RBMS1: variants seen among roughly 807,000 people sequenced by gnomAD.
The protein encoded by RBMS1 is RNA-binding motif, single-stranded-interacting protein 1.
RBMS1 carries 17 observed loss-of-function variants against 62.3 expected under a neutral mutation model. The observed-to-expected ratio is 0.27, with a 90% confidence interval of 0.19 to 0.41. The LOEUF (loss-of-function observed/expected upper bound fraction) is 0.41, where lower values mean the gene tolerates loss of function less well. RBMS1 is among the 10% of genes least tolerant of loss of function. The probability of loss-of-function intolerance (pLI) is 1.00; values close to 1 mark genes in which losing one functional copy is unlikely to be tolerated. For missense variants in RBMS1, 334 were observed against 504.5 expected, an observed-to-expected ratio of 0.66 and a Z score of 3.24; for synonymous variants, 172 against 170.0, an observed-to-expected ratio of 1.01 and a Z score of -0.09.
Position 160,313,256 on chromosome 2 carries a change from C to CA in RBMS1, c.311-10dup. On this transcript the variant is annotated splice_polypyrimidine_tract_variant and intron_variant, in intron 3 of 13. Transcript: ENST00000348849. ...GTCGACAAAACCATAACCTGAAATGCAAAAACACACTTAGTATTTAAGCCA... is the reference window on the plus strand; with the variant it reads ...GTCGACAAAACCATAACCTGAAATGCAAAAAACACACTTAGTATTTAAGCCA... 6.2e-7 allele frequency: 1 copy of CA among 1,610,760 alleles called. No individual in the cohort carries two copies. Among genetic ancestry groups the CA allele is most frequent in the South Asian group, 1.1e-5 (1 of 90,836 alleles).
intron 1 of RBMS1, among the ~76,000 whole-genome samples, chr2:160,368,263 A>G (rs1693518606): frequency 6.6e-6 from 1 of 152,306 alleles, no homozygotes; most frequent in East Asian, 1.9e-4. Flanking sequence ...GCAAACGCGC[A>G]GCAATTTCAC....
rs979485984 is a variant in RBMS1, at chr2:160,352,687, T to A, written c.251+14529A>T. On this transcript the variant is annotated intron_variant, in intron 2 of 13. Transcript: ENST00000348849. ...TCAAGTCTGCACATGTCCGTTCATATAAAACTGTACAAATGACCTACACAT... is the reference window on the plus strand; with the variant it reads ...TCAAGTCTGCACATGTCCGTTCATAAAAAACTGTACAAATGACCTACACAT... Among the ~76,000 whole-genome samples, 3 of 152,132 alleles carry A rather than the reference T, an allele frequency of 2.0e-5. No homozygotes were observed. The East Asian group carries it at 5.8e-4, about 29-fold the overall frequency.
At chr2:160,417,746 G>A (rs758340293) in intron 1 of RBMS1, among the ~76,000 whole-genome samples, 1 of 152,194 alleles carries the variant, frequency 6.6e-6, no homozygotes, top group African/African-American at 2.4e-5. Context: ...TGAATACACA[G>A]CATGCAAATG....
intron 5 of RBMS1, 148 bp from the exon 6 acceptor site, chr2:160,300,878 T>C (rs534699320): frequency 4.6e-6 from 4 of 871,950 alleles, no homozygotes; most frequent in Non-Finnish European, 6.4e-6. Context: ...CTATTCTACC[T>C]TTTATCTAAC....
intron 2 of RBMS1, among the ~76,000 whole-genome samples, chr2:160,319,418 A>G (rs1227676323): frequency 6.6e-6 from 1 of 152,184 alleles, no homozygotes; most frequent in Non-Finnish European, 1.5e-5. Context: ...AGGCTGAGAC[A>G]GGAGAATCGC....
intron 2 of RBMS1, among the ~76,000 whole-genome samples, chr2:160,318,613 C>T (rs368854699): frequency 6.6e-6 from 1 of 152,214 alleles, no homozygotes; most frequent in African/African-American, 2.4e-5. Flanking sequence ...CAGGAAAGTA[C>T]TGTCCTATGA....
chr2:160,283,644 C>T (rs536803893), intron 9 of RBMS1: 7 of 152,252 alleles, frequency 4.6e-5, no homozygotes, highest in African/African-American at 1.7e-4. Flanking sequence ...TATGACATTG[C>T]TTATGTTGGC....
intron 1 of RBMS1, among the ~76,000 whole-genome samples, chr2:160,368,972 G>A (rs1425172045): frequency 6.6e-6 from 1 of 152,018 alleles, no homozygotes; most frequent in African/African-American, 2.4e-5. Flanking sequence ...ATTTTTTCTG[G>A]TCCTATATCC....
intron 6 of RBMS1, 49 bp downstream of exon 6, chr2:160,300,598 TAAAC>T (rs1408387257): frequency 2.0e-6 from 3 of 1,527,466 alleles, no homozygotes; most frequent in Non-Finnish European, 2.6e-6. Flanking sequence ...GTGCTAAAGT[TAAAC>T]ATACATCATA....
intron 1 of RBMS1, among the ~76,000 whole-genome samples, chr2:160,465,781 C>G (rs1204954134): frequency 1.3e-5 from 2 of 151,608 alleles, no homozygotes; most frequent in African/African-American, 4.8e-5. Flanking sequence ...TGGGTCTGAT[C>G]AAGAAACAGG....
intron 1 of RBMS1, among the ~76,000 whole-genome samples, chr2:160,473,834 C>T (rs927763191): frequency 6.6e-6 from 1 of 152,110 alleles, no homozygotes; most frequent in Non-Finnish European, 1.5e-5. Flanking sequence ...GTCTTTTCTT[C>T]CTCTACTCAG....
intron 2 of RBMS1, 77 bp downstream of exon 2, chr2:160,367,139 A>G (rs1693442405): frequency 1.5e-6 from 2 of 1,364,846 alleles, no homozygotes; most frequent in Non-Finnish European, 2.0e-6. Context: ...CTTCTCTTAT[A>G]ATGCAGTATA....
chr2:160,370,474 G>C (rs1693665190), intron 1 of RBMS1, among the ~76,000 whole-genome samples: 1 of 152,130 alleles, frequency 6.6e-6, no homozygotes, highest in African/African-American at 2.4e-5. Context: ...CTCTACTAAA[G>C]ATACAGACTC....
At chr2:160,447,629 T>C (rs1466946197) in intron 1 of RBMS1, among the ~76,000 whole-genome samples, 1 of 152,256 alleles carries the variant, frequency 6.6e-6, no homozygotes, top group African/African-American at 2.4e-5. Context: ...AATGTGGCCT[T>C]CATTTTTATA....
At chr2:160,339,998 T>C (rs1196462969) in intron 2 of RBMS1, among the ~76,000 whole-genome samples, 1 of 152,194 alleles carries the variant, frequency 6.6e-6, no homozygotes, top group Non-Finnish European at 1.5e-5. Context: ...TGTTGCTCTG[T>C]TGTGTAGACC....
At chr2:160,400,813 G>A (rs1223966313) in intron 1 of RBMS1, among the ~76,000 whole-genome samples, 1 of 152,120 alleles carries the variant, frequency 6.6e-6, no homozygotes, top group African/African-American at 2.4e-5. Flanking sequence ...AGGTAGGACA[G>A]GAGTTTGCAG....
intron 1 of RBMS1, among the ~76,000 whole-genome samples, chr2:160,469,839 AGT>A (rs1329879316): frequency 6.6e-6 from 1 of 152,218 alleles, no homozygotes; most frequent in African/African-American, 2.4e-5. Flanking sequence ...GGAGACGAAA[AGT>A]TGACCTCGTA....
chr2:160,476,632 G>GC (rs1225270453), intron 1 of RBMS1, among the ~76,000 whole-genome samples: 1 of 139,130 alleles, frequency 7.2e-6, no homozygotes. Context: ...TCGGCTCACT[G>GC]CAAGCTCCGC....
intron 1 of RBMS1, among the ~76,000 whole-genome samples, chr2:160,370,528 C>G (rs142909443): frequency 1.6e-3 from 244 of 152,288 alleles, no homozygotes; most frequent in Non-Finnish European, 2.8e-3. Context: ...TTCAATCAGA[C>G]AGGCAGGTAG....
Sources: gnomAD v4.1 joint callset for allele counts (sites outside exome capture counted in the v4.1 genomes callset) on GRCh38, gnomAD v4.1.1 for gene constraint, MANE v1.5 for transcripts, NCBI Gene and HGNC (gene_info 2026-07-23, HGNC 2026-07-21) for gene names.